Variants in CORIN observed in about 807,000 individuals in gnomAD.
CORIN encodes the protein corin, serine peptidase.
A neutral mutation model predicts 125.3 loss-of-function variants in CORIN; 117 were observed. That is an observed-to-expected ratio of 0.93 (90% CI 0.80 to 1.09). CORIN has a LOEUF of 1.09. Ranked by LOEUF, CORIN falls within the 50% of genes least tolerant of loss-of-function variation. CORIN has a pLI of 0.00. For synonymous variants in CORIN, 450 were observed against 466.4 expected, an observed-to-expected ratio of 0.96 and a Z score of 0.45; for missense variants, 1,253 against 1,306.7, an observed-to-expected ratio of 0.96 and a Z score of 0.63.
intron 2 of CORIN, among the ~76,000 whole-genome samples, chr4:47,796,778 T>C (rs1731307494): frequency 6.6e-6 from 1 of 151,956 alleles, no homozygotes; most frequent in Admixed American, 6.6e-5. Flanking sequence ...AATAAACAAA[T>C]AAATAAATAA....
intron 10 of CORIN, among the ~76,000 whole-genome samples, chr4:47,668,798 A>G (rs1724596671): frequency 6.6e-6 from 1 of 152,198 alleles, no homozygotes; most frequent in Non-Finnish European, 1.5e-5. Context: ...GCCAAGGAAA[A>G]GGAAAGGATT....
At chr4:47,714,651 C>T (rs1727006581) in intron 5 of CORIN, among the ~76,000 whole-genome samples, 1 of 152,212 alleles carries the variant, frequency 6.6e-6, no homozygotes, top group Non-Finnish European at 1.5e-5. Flanking sequence ...TGTTCAACTA[C>T]ACCAATGTGG....
chr4:47,673,377 GA>G (rs749154440), intron 10 of CORIN, among the ~76,000 whole-genome samples: 215 of 115,068 alleles, frequency 1.9e-3, no homozygotes, highest in African/African-American at 3.2e-3. Context: ...CTCTGTCTCA[GA>G]AAAAAAAAAA....
chr4:47,723,910 G>A (rs935444573), intron 5 of CORIN, among the ~76,000 whole-genome samples: 6 of 150,894 alleles, frequency 4.0e-5, no homozygotes, highest in Admixed American at 1.3e-4. Context: ...GCAGGAGAAC[G>A]GCGTGAACCT....
chr4:47,819,138 T>G (rs1369599563), intron 1 of CORIN, among the ~76,000 whole-genome samples: 2 of 152,106 alleles, frequency 1.3e-5, no homozygotes, highest in Non-Finnish European at 2.9e-5. Flanking sequence ...CAACCCATAA[T>G]AGATTGAGTC....
Position 47,595,521 on chromosome 4 carries a change from T to A in CORIN, c.*200A>T. 1 of 386,504 alleles carries A rather than the reference T, an allele frequency of 2.6e-6. No individual in the cohort carries two copies. The highest frequency in any genetic ancestry group is 4.6e-6 in the Non-Finnish European group (1 of 218,312). The allele number at this position is 386,504 out of a possible 1,614,324, so 23.9% of individuals were successfully genotyped here. ...GCTTTTGTAAAGTCTTTCATTGAAC[T>A]TGAAATAAGAGAAAAATGAAGGTGA... On this transcript the variant is annotated 3_prime_UTR_variant, in exon 22 of 22. Coordinates refer to ENST00000273857, the MANE Select transcript of CORIN (RefSeq NM_006587.4).
chr4:47,630,000 C>T (rs977033862), intron 16 of CORIN, among the ~76,000 whole-genome samples: 5 of 152,136 alleles, frequency 3.3e-5, no homozygotes, highest in African/African-American at 1.2e-4. Flanking sequence ...GAACCCTACA[C>T]AGTTCTCCCC....
chr4:47,673,994 A>G (rs2109696372), intron 10 of CORIN, among the ~76,000 whole-genome samples: 1 of 152,284 alleles, frequency 6.6e-6, no homozygotes, highest in Non-Finnish European at 1.5e-5. Flanking sequence ...CAGATTGCCA[A>G]AGTTGTATGT....
intron 4 of CORIN, among the ~76,000 whole-genome samples, chr4:47,751,218 T>C (rs1728883114): frequency 6.6e-6 from 1 of 152,136 alleles, no homozygotes; most frequent in Admixed American, 6.5e-5. Context: ...GATCTCAATA[T>C]TAACTCCTTC....
chr4:47,745,718 A>T (rs1728634189), intron 4 of CORIN, among the ~76,000 whole-genome samples: 1 of 152,226 alleles, frequency 6.6e-6, no homozygotes, highest in African/African-American at 2.4e-5. Flanking sequence ...CAACAAGCAC[A>T]TTTACAATAC....
chr4:47,622,557 T>G (rs1168362404), intron 19 of CORIN, among the ~76,000 whole-genome samples: 2 of 151,914 alleles, frequency 1.3e-5, no homozygotes, highest in Non-Finnish European at 2.9e-5. Flanking sequence ...TGGTGTGAGA[T>G]GGTATCTCAT....
At chr4:47,734,359 A>G (rs1425392060) in intron 5 of CORIN, among the ~76,000 whole-genome samples, 1 of 152,204 alleles carries the variant, frequency 6.6e-6, no homozygotes, top group Non-Finnish European at 1.5e-5. Context: ...TCGGCTAATT[A>G]GGAACCTGAC....
At chr4:47,655,790 A>C (rs1018811574) in intron 12 of CORIN, among the ~76,000 whole-genome samples, 5 of 152,020 alleles carry the variant, frequency 3.3e-5, no homozygotes, top group Non-Finnish European at 7.4e-5. Flanking sequence ...GAAATCCAAA[A>C]TCTGAACAGA....
chr4:47,701,089 A>T lies in CORIN; in HGVS notation c.800-8006T>A, dbSNP rs970417751. On this transcript the variant is annotated intron_variant, in intron 5 of 21. Coordinates refer to ENST00000273857, the MANE Select transcript of CORIN (RefSeq NM_006587.4). ...TAGGTGGTTGGTAAATGCCTGCTGAATAAATGCACTTAAGGAGCTCTTAAC... is the reference window on the plus strand; with the variant it reads ...TAGGTGGTTGGTAAATGCCTGCTGATTAAATGCACTTAAGGAGCTCTTAAC... 2.6e-5 allele frequency among the ~76,000 whole-genome samples: 4 copies of T among 152,250 alleles called. No individual in the cohort carries two copies. The South Asian group carries it at 8.3e-4, about 31-fold the overall frequency.
At chr4:47,758,485 G>A (rs1236654940) in intron 4 of CORIN, among the ~76,000 whole-genome samples, 1 of 151,858 alleles carries the variant, frequency 6.6e-6, no homozygotes, top group African/African-American at 2.4e-5. Flanking sequence ...TAATCCCCAA[G>A]TTTGCATGGA....
intron 21 of CORIN, among the ~76,000 whole-genome samples, chr4:47,596,987 A>G (rs1426402952): frequency 6.6e-6 from 1 of 152,180 alleles, no homozygotes; most frequent in Non-Finnish European, 1.5e-5. Context: ...GCAGTCTGGT[A>G]ACAGGATTCC....
chr4:47,630,801 T>A (rs1355596147), intron 16 of CORIN, among the ~76,000 whole-genome samples: 2 of 152,204 alleles, frequency 1.3e-5, no homozygotes, highest in African/African-American at 4.8e-5. Flanking sequence ...GGAGGACCTG[T>A]TACAACACAG....
chr4:47,727,727 A>G (rs1041774565), intron 5 of CORIN, among the ~76,000 whole-genome samples: 2 of 152,122 alleles, frequency 1.3e-5, no homozygotes, highest in African/African-American at 4.8e-5. Context: ...GGAGCTTATA[A>G]TTTTTTAATG....
intron 2 of CORIN, among the ~76,000 whole-genome samples, chr4:47,794,779 A>G (rs1731219616): frequency 6.6e-6 from 1 of 152,086 alleles, no homozygotes. Flanking sequence ...TACAGCTGCC[A>G]ATGACACCTT....
Sources: gnomAD v4.1 joint callset for allele counts (sites outside exome capture counted in the v4.1 genomes callset) on GRCh38, gnomAD v4.1.1 for gene constraint, MANE v1.5 for transcripts, NCBI Gene and HGNC (gene_info 2026-07-23, HGNC 2026-07-21) for gene names.